The following OR7E24 variants were observed in gnomAD, a reference collection of about 807,000 sequenced individuals.
OR7E24 encodes olfactory receptor 7E24.
For missense variants in OR7E24, 385 were observed against 410.3 expected, an observed-to-expected ratio of 0.94 and a Z score of 0.53; for synonymous variants, 130 against 157.5, an observed-to-expected ratio of 0.83 and a Z score of 1.31.
chr19:9,233,834 G>A, the OR7E24 span, among the ~76,000 whole-genome samples: 2,990 of 151,728 alleles, frequency 0.02, 79 homozygotes, highest in African/African-American at 0.068. Context: ...TCTTCAATCC[G>A]TCCATGCAGA....
At chr19:9,211,846 T>C in the OR7E24 span, 1 of 150,574 alleles carries the variant, frequency 6.6e-6, no homozygotes. Flanking sequence ...TTTATTTACA[T>C]GGTTCATTCA....
At chr19:9,237,688 A>G in the OR7E24 span, among the ~76,000 whole-genome samples, 3 of 152,168 alleles carry the variant, frequency 2.0e-5, no homozygotes, top group Admixed American at 2.0e-4. Flanking sequence ...CTAGATGTGC[A>G]GACTGCAAAG....
chr19:9,235,899 T>C, the OR7E24 span: 1 of 1,607,778 alleles, frequency 6.2e-7, no homozygotes, highest in South Asian at 1.1e-5. Flanking sequence ...CCTTGTTCTA[T>C]GGAACAGGAC....
At chr19:9,232,052 A>G in the OR7E24 span, among the ~76,000 whole-genome samples, 1 of 152,210 alleles carries the variant, frequency 6.6e-6, no homozygotes, top group Admixed American at 6.5e-5. Flanking sequence ...TTTAACAAAA[A>G]GCATCCCCCA....
At chr19:9,212,778 G>C in the OR7E24 span, 2 of 150,544 alleles carry the variant, frequency 1.3e-5, no homozygotes, top group Admixed American at 6.6e-5. Flanking sequence ...TTTGAGACAG[G>C]GTCTTGCTCT....
the OR7E24 span, chr19:9,212,078 T>C: frequency 6.6e-6 from 1 of 152,260 alleles, no homozygotes; most frequent in Admixed American, 6.5e-5. Context: ...TGTGCGTAGA[T>C]AGTAGCTGTA....
the OR7E24 span, among the ~76,000 whole-genome samples, chr19:9,227,496 G>A: frequency 1.3e-5 from 2 of 152,074 alleles, no homozygotes; most frequent in Non-Finnish European, 2.9e-5. Flanking sequence ...CCAAAGTGCT[G>A]GGATTACAGA....
chr19:9,232,193 G>A, the OR7E24 span, among the ~76,000 whole-genome samples: 2 of 152,094 alleles, frequency 1.3e-5, no homozygotes, highest in Admixed American at 6.5e-5. Context: ...GGGGCCAGGC[G>A]TGTTCAACAT....
At chr19:9,214,091 G>A in the OR7E24 span, 2 of 1,614,212 alleles carry the variant, frequency 1.2e-6, no homozygotes, top group Non-Finnish European at 1.7e-6. Context: ...CATAGAACAA[G>A]GAGACCACAC....
the OR7E24 span, among the ~76,000 whole-genome samples, chr19:9,236,935 A>C: frequency 6.6e-6 from 1 of 152,176 alleles, no homozygotes; most frequent in African/African-American, 2.4e-5. Flanking sequence ...TTTCATCCTA[A>C]AAACCTTTCT....
upstream of OR7E24, among the ~76,000 whole-genome samples, chr19:9,246,408 G>C (rs535739392): frequency 7.4e-5 from 11 of 148,838 alleles, no homozygotes; most frequent in East Asian, 1.0e-3. Flanking sequence ...TATATCATTT[G>C]CTTATTATAT....
the OR7E24 span, chr19:9,219,736 CAA>C: frequency 1.3e-5 from 2 of 152,140 alleles, no homozygotes; most frequent in Admixed American, 1.3e-4. Flanking sequence ...TCCCACTCTC[CAA>C]AGAGTTTGGC....
chr19:9,223,734 CTTTTTTT>C, the OR7E24 span, among the ~76,000 whole-genome samples: 2 of 135,656 alleles, frequency 1.5e-5, no homozygotes, highest in African/African-American at 2.7e-5. Flanking sequence ...TTTTTCTCTT[CTTTTTTT>C]TTTTTTTTTT....
the OR7E24 span, among the ~76,000 whole-genome samples, chr19:9,221,340 C>CCTTT: frequency 1.7e-4 from 14 of 81,202 alleles, 1 homozygote; most frequent in Non-Finnish European, 3.0e-4. Context: ...GTCTTTTGCC[C>CCTTT]TTTTTTTTTT....
the OR7E24 span, among the ~76,000 whole-genome samples, chr19:9,231,059 C>T: frequency 6.6e-6 from 1 of 152,004 alleles, no homozygotes; most frequent in African/African-American, 2.4e-5. Flanking sequence ...TACAGGCTTG[C>T]ACCACCATGA....
the OR7E24 span, among the ~76,000 whole-genome samples, chr19:9,217,791 G>A: frequency 6.6e-6 from 1 of 152,112 alleles, no homozygotes; most frequent in East Asian, 1.9e-4. Flanking sequence ...TGCCCACCTC[G>A]GCCTCCCAAA....
At chr19:9,225,836 C>A in the OR7E24 span, among the ~76,000 whole-genome samples, 8 of 152,340 alleles carry the variant, frequency 5.3e-5, no homozygotes, top group Non-Finnish European at 1.0e-4. Context: ...TGGCAGCCTG[C>A]AGCCTCAATC....
the OR7E24 span, among the ~76,000 whole-genome samples, chr19:9,215,948 C>T: frequency 1.3e-5 from 2 of 152,060 alleles, no homozygotes; most frequent in African/African-American, 2.4e-5. Flanking sequence ...TACAGTTCCA[C>T]GTGGCTGGGG....
upstream of OR7E24, among the ~76,000 whole-genome samples, chr19:9,242,729 A>T (rs1352739782): frequency 6.6e-6 from 1 of 152,170 alleles, no homozygotes; most frequent in Admixed American, 6.6e-5. Context: ...GTAGATTTGT[A>T]AGCTTGTTTG....
Sources: allele counts gnomAD v4.1 joint callset (sites outside exome capture counted in the v4.1 genomes callset), GRCh38; gene constraint gnomAD v4.1.1; transcripts MANE v1.5; gene names NCBI Gene and HGNC (gene_info 2026-07-23, HGNC 2026-07-21).